PPM1E: variants seen among roughly 807,000 people sequenced by gnomAD.
PPM1E encodes protein phosphatase 1E.
A neutral mutation model predicts 65.9 loss-of-function variants in PPM1E; 20 were observed. That is an observed-to-expected ratio of 0.30 (90% confidence interval 0.21 to 0.44). The LOEUF (loss-of-function observed/expected upper bound fraction) is 0.44, where lower values mean the gene tolerates loss of function less well. PPM1E is among the 20% of genes least tolerant of loss of function. The pLI is 1.00. For missense variants in PPM1E, 713 were observed against 953.1 expected, an observed-to-expected ratio of 0.75 and a Z score of 3.32; for synonymous variants, 352 against 374.9, an observed-to-expected ratio of 0.94 and a Z score of 0.70.
At chr17:58,928,780 G>T (rs1182518933) in intron 1 of PPM1E, among the ~76,000 whole-genome samples, 1 of 149,662 alleles carries the variant, frequency 6.7e-6, no homozygotes, top group Non-Finnish European at 1.5e-5. Context: ...TCAGCTCACT[G>T]CAACCTTCGC....
Position 58,980,426 on chromosome 17 carries a change from C to T in PPM1E, c.1663C>T (p.Leu555=), listed in dbSNP as rs779761727. The change falls in exon 7 of 7, where the codon CTG becomes TTG. Residue 555 remains leucine (L), a synonymous_variant. Coordinates refer to ENST00000308249, the MANE Select transcript of PPM1E (RefSeq NM_014906.5). The surrounding 1 kb of genome is among the most constrained non-coding windows in gnomAD (Gnocchi z 4.7). ...RVDSFTDRTS[L]SPGSQINVLE... is the part of the protein sequence containing the mutation. ...GGATTCATTCACTGATAGAACTAGC[C>T]TGAGCCCAGGGTCCCAAATCAACGT... 2.5e-6 allele frequency: 4 copies of T among 1,614,040 alleles called. No homozygotes were observed. The highest frequency in any genetic ancestry group is 3.3e-5 in the Admixed American group (2 of 59,988).
intron 1 of PPM1E, among the ~76,000 whole-genome samples, chr17:58,920,666 T>C (rs1342447282): frequency 6.6e-6 from 1 of 152,190 alleles, no homozygotes; most frequent in Non-Finnish European, 1.5e-5. Context: ...AGGATTTTGT[T>C]TTAGGACAAA....
chr17:58,892,124 C>T (rs2051355317), intron 1 of PPM1E, among the ~76,000 whole-genome samples: 1 of 152,062 alleles, frequency 6.6e-6, no homozygotes, highest in Admixed American at 6.6e-5. Flanking sequence ...GTGTGAGCCA[C>T]CGTGCATGGC....
intron 1 of PPM1E, among the ~76,000 whole-genome samples, chr17:58,810,245 G>A (rs1219328441): frequency 1.3e-5 from 2 of 151,874 alleles, no homozygotes; most frequent in East Asian, 3.9e-4. Flanking sequence ...GTCTCACTCT[G>A]TCACCAGGCT....
At chr17:58,887,348 G>T (rs1308128318) in intron 1 of PPM1E, among the ~76,000 whole-genome samples, 1 of 151,926 alleles carries the variant, frequency 6.6e-6, no homozygotes, top group African/African-American at 2.4e-5. Flanking sequence ...TGTATTTTTA[G>T]TAGAGACGGG....
At chr17:58,978,476 C>T (rs1222630832) in intron 6 of PPM1E, among the ~76,000 whole-genome samples, 2 of 151,980 alleles carry the variant, frequency 1.3e-5, no homozygotes, top group African/African-American at 4.8e-5. Context: ...TTTGGGAGGC[C>T]GACACAGGCA....
intron 1 of PPM1E, among the ~76,000 whole-genome samples, chr17:58,851,355 C>A (rs554153149): frequency 6.6e-6 from 1 of 152,314 alleles, no homozygotes; most frequent in South Asian, 2.1e-4. Context: ...AGAAGAGGCA[C>A]TCTGATTTTT....
At chr17:58,756,587 C>T (rs2049767728) in intron 1 of PPM1E, 126 bp downstream of exon 1, 1 of 1,126,828 alleles carries the variant, frequency 8.9e-7, no homozygotes, top group Non-Finnish European at 1.1e-6. Context: ...GCGCCTGCCG[C>T]CGCTGAAAGC....
chr17:58,953,889 A>C (rs1380873452), intron 1 of PPM1E, among the ~76,000 whole-genome samples: 1 of 152,024 alleles, frequency 6.6e-6, no homozygotes, highest in African/African-American at 2.4e-5. Flanking sequence ...CTGGGATTAC[A>C]GGCGTGTACC....
rs148670920 is a variant in PPM1E, at chr17:58,966,104, T to C, written c.783+211T>C. 1,920 of 594,882 alleles carry C rather than the reference T, an allele frequency of 3.2e-3. 27 individuals are homozygous for C. Among genetic ancestry groups the C allele is most frequent in the African/African-American group, 0.031 (1,689 of 53,812 alleles). 36.9% of individuals were successfully genotyped at this position (594,882 alleles called of 1,614,324 possible). ...GTAATGCATTCACATGGTTCAAAAT[T>C]GGGAAAATAAAAATGTCTCTTATCC... On this transcript the variant is annotated intron_variant, in intron 3 of 6. Transcript: ENST00000308249.
intron 2 of PPM1E, among the ~76,000 whole-genome samples, chr17:58,962,050 C>CA (rs1193033310): frequency 1.3e-5 from 2 of 152,072 alleles, no homozygotes; most frequent in African/African-American, 4.8e-5. Context: ...TTTGGGAGGC[C>CA]AAGGCGAGTG....
At chr17:58,919,852 A>C (rs115781551) in intron 1 of PPM1E, among the ~76,000 whole-genome samples, 2 of 152,170 alleles carry the variant, frequency 1.3e-5, no homozygotes, top group Non-Finnish European at 2.9e-5. Context: ...ATTGTGGTAC[A>C]TTACTCAAAA....
chr17:58,768,193 C>G (rs1353124664), intron 1 of PPM1E, among the ~76,000 whole-genome samples: 1 of 152,120 alleles, frequency 6.6e-6, no homozygotes, highest in Non-Finnish European at 1.5e-5. Flanking sequence ...CTCAAGTGAT[C>G]TGCCCGCCTC....
rs757767287 is a variant in PPM1E at position 58,972,180 on chromosome 17, A to G, written c.1021A>G (p.Met341Val). 6.8e-6 allele frequency: 11 copies of G among 1,614,156 alleles called. No individual in the cohort carries two copies. The South Asian group carries it at 1.1e-4, about 16-fold the overall frequency. ...TGVVTFIRGN[M>V]LHVAWVGDSQ... Reference sequence around the variant, plus strand: ...AGTGGTGACTTTCATCAGAGGCAACATGCTACATGTGGCCTGGGTGGGTGA... The same window carrying G: ...AGTGGTGACTTTCATCAGAGGCAACGTGCTACATGTGGCCTGGGTGGGTGA... Residue 341 changes from methionine (M) to valine (V), a missense_variant, in exon 5 of 7, where the codon ATG (methionine) becomes GTG (valine). Met to Val is a conservative substitution (Grantham distance 21). Coordinates refer to ENST00000308249, the MANE Select transcript of PPM1E (RefSeq NM_014906.5).
intron 1 of PPM1E, among the ~76,000 whole-genome samples, chr17:58,778,305 G>A (rs531111470): frequency 2.6e-5 from 4 of 151,714 alleles, no homozygotes; most frequent in African/African-American, 9.7e-5. Context: ...TCACCATGTT[G>A]GCCAGGCTGG....
At chr17:58,841,244 G>A (rs2050714687) in intron 1 of PPM1E, among the ~76,000 whole-genome samples, 1 of 152,282 alleles carries the variant, frequency 6.6e-6, no homozygotes, top group Middle Eastern at 3.4e-3. Flanking sequence ...CTGAGGATGG[G>A]AGGTTAATTC....
intron 1 of PPM1E, among the ~76,000 whole-genome samples, chr17:58,890,394 G>A (rs766312656): frequency 2.6e-5 from 4 of 152,214 alleles, no homozygotes; most frequent in Non-Finnish European, 4.4e-5. Flanking sequence ...AAAACATAGC[G>A]TGAAAGAGAC....
At chr17:58,874,910 C>G (rs1007404642) in intron 1 of PPM1E, among the ~76,000 whole-genome samples, 1 of 152,014 alleles carries the variant, frequency 6.6e-6, no homozygotes, top group Non-Finnish European at 1.5e-5. Flanking sequence ...AAAAATTATA[C>G]AGCATCAATA....
chr17:58,804,055 A>G (rs1196006130), intron 1 of PPM1E, among the ~76,000 whole-genome samples: 2 of 152,132 alleles, frequency 1.3e-5, no homozygotes, highest in African/African-American at 4.8e-5. Context: ...CAGCCTCTCA[A>G]GTAGCTGAGA....
Sources: gnomAD v4.1 joint callset for allele counts (sites outside exome capture counted in the v4.1 genomes callset) on GRCh38, gnomAD v4.1.1 for gene constraint, Gnocchi (gnomAD v3.1) non-coding constraint, MANE v1.5 for transcripts, NCBI Gene and HGNC (gene_info 2026-07-23, HGNC 2026-07-21) for gene names.